The following NKAIN3 variants were observed in gnomAD, a reference collection of about 807,000 sequenced individuals.
The protein encoded by NKAIN3 is sodium/potassium transporting ATPase interacting 3.
Under a neutral mutation model 30.2 loss-of-function variants are expected in NKAIN3, and 25 were observed. The ratio of observed to expected loss-of-function variants is 0.83; its 90% CI spans 0.60 to 1.16. The LOEUF (loss-of-function observed/expected upper bound fraction) is 1.16. Ranked by LOEUF, NKAIN3 falls within the 50% of genes most tolerant of loss-of-function variation. The pLI, the probability that NKAIN3 is intolerant of heterozygous loss-of-function variation, is 0.00. For synonymous variants in NKAIN3, 91 were observed against 89.6 expected (o/e 1.02, Z -0.09); for missense variants, 225 against 254.1 (o/e 0.89, Z 0.78).
At chr8:62,635,447 A>G (rs1174016200) in intron 3 of NKAIN3, among the ~76,000 whole-genome samples, 2 of 152,166 alleles carry the variant, frequency 1.3e-5, no homozygotes, top group Admixed American at 1.3e-4. Flanking sequence ...TGACCTCGGG[A>G]ACTTCCTTCT....
chr8:62,562,098 C>T (rs1809602888), intron 1 of NKAIN3, among the ~76,000 whole-genome samples: 1 of 152,134 alleles, frequency 6.6e-6, no homozygotes, highest in African/African-American at 2.4e-5. Context: ...ATCCCTGTCA[C>T]TAGCAGAGAA....
At chr8:62,292,064 CT>C (rs1004559938) in intron 1 of NKAIN3, among the ~76,000 whole-genome samples, 3 of 151,300 alleles carry the variant, frequency 2.0e-5, no homozygotes, top group East Asian at 1.9e-4. Context: ...ACAACCCCTG[CT>C]TTTTTTTTGT....
chr8:62,743,215 G>T (rs1815963467), intron 3 of NKAIN3, among the ~76,000 whole-genome samples: 1 of 152,068 alleles, frequency 6.6e-6, no homozygotes, highest in Non-Finnish European at 1.5e-5. Flanking sequence ...TTCTTTTTCT[G>T]TATAAAATGT....
chr8:62,432,996 A>G (rs1351732650), intron 1 of NKAIN3, among the ~76,000 whole-genome samples: 3 of 152,162 alleles, frequency 2.0e-5, no homozygotes, highest in Non-Finnish European at 4.4e-5. Context: ...CCACACTTGA[A>G]GTAGTTTGTT....
chr8:62,515,527 T>C lies in NKAIN3; in HGVS notation c.55-64012T>C, dbSNP rs187556199. The stretch of plus-strand genomic sequence containing the variant: ...GGGATACATGTGCAGTCTACATGGG[T>C]AAACTGTGTGTCACTGGAGTTTGTT... On this transcript the variant is annotated intron_variant, in intron 1 of 6. Transcript: ENST00000623646. 3.7e-4 allele frequency among the ~76,000 whole-genome samples: 57 copies of C among 152,256 alleles called. 1 individual carries two copies. Among genetic ancestry groups the C allele is most frequent in the African/African-American group, 1.3e-3 (55 of 41,564 alleles).
intron 1 of NKAIN3, among the ~76,000 whole-genome samples, chr8:62,497,944 G>A (rs1807294292): frequency 1.3e-5 from 2 of 152,108 alleles, no homozygotes; most frequent in African/African-American, 4.8e-5. Flanking sequence ...TAGGGGAAAG[G>A]TGGCTAACCT....
At chr8:62,368,731 A>G (rs75392680) in intron 1 of NKAIN3, among the ~76,000 whole-genome samples, 2 of 152,186 alleles carry the variant, frequency 1.3e-5, no homozygotes, top group African/African-American at 4.8e-5. Flanking sequence ...TCAGACTGGT[A>G]TCATACTTGT....
intron 1 of NKAIN3, 47 bp downstream of exon 1, chr8:62,249,174 G>A: frequency 6.8e-7 from 1 of 1,465,406 alleles, no homozygotes. Flanking sequence ...CCTGCTCCAG[G>A]ACCGGCCTCT....
At chr8:62,945,122 G>A (rs1472096522) in intron 5 of NKAIN3, among the ~76,000 whole-genome samples, 1 of 152,096 alleles carries the variant, frequency 6.6e-6, no homozygotes, top group Non-Finnish European at 1.5e-5. Flanking sequence ...CCCTTATAAA[G>A]TTTAACTTGT....
chr8:62,374,782 CA>C (rs981721156), intron 1 of NKAIN3, among the ~76,000 whole-genome samples: 1 of 152,106 alleles, frequency 6.6e-6, no homozygotes, highest in African/African-American at 2.4e-5. Flanking sequence ...CTATTTAAAC[CA>C]AACTTTAGTC....
intron 1 of NKAIN3, among the ~76,000 whole-genome samples, chr8:62,331,062 CCT>C (rs60036306): frequency 0.32 from 46,053 of 143,942 alleles, 7,755 homozygotes; most frequent in Non-Finnish European, 0.38. Flanking sequence ...ACCTCCTCCT[CCT>C]CTCTCTCTCT....
At position 62,969,487 on chromosome 8, in the gene NKAIN3, T is replaced by C. The variant is rs2130912659; in HGVS notation, c.*4080T>C. ...TTTCATACCTAATTTTAAAACGAAT[T>C]GTGTCCCCAAATATGGTCTATTCTG... On this transcript the variant is annotated 3_prime_UTR_variant, in exon 7 of 7. Transcript: ENST00000623646. Among the ~76,000 whole-genome samples, 1 of 152,328 alleles carries C rather than the reference T, an allele frequency of 6.6e-6. No homozygotes were observed. The highest frequency in any genetic ancestry group is 2.4e-5 in the African/African-American group (1 of 41,574).
chr8:62,404,924 G>T (rs563230878), intron 1 of NKAIN3, among the ~76,000 whole-genome samples: 2 of 152,202 alleles, frequency 1.3e-5, no homozygotes, highest in Admixed American at 1.3e-4. Flanking sequence ...CACTGCTTGG[G>T]TATCACTGCT....
In NKAIN3 at chr8:62,415,820, C is replaced by T. The variant is rs188739194; in HGVS notation, c.55-163719C>T. ...TCGCCCAGGCTGGAGTGCAGTGGCGCGATCTCGGCTCACGGCAAGCTCTGC... is the reference window on the plus strand; with the variant it reads ...TCGCCCAGGCTGGAGTGCAGTGGCGTGATCTCGGCTCACGGCAAGCTCTGC... On this transcript the variant is annotated intron_variant, in intron 1 of 6. Coordinates refer to ENST00000623646, the MANE Select transcript of NKAIN3 (RefSeq NM_001304533.3). Among the ~76,000 whole-genome samples, 82 of 151,726 alleles carry T rather than the reference C, an allele frequency of 5.4e-4. No homozygotes were observed. In the East Asian group the frequency reaches 0.012, roughly 22 times the overall value.
At chr8:62,358,332 A>G (rs2129592287) in intron 1 of NKAIN3, among the ~76,000 whole-genome samples, 1 of 148,748 alleles carries the variant, frequency 6.7e-6, no homozygotes, top group Non-Finnish European at 1.5e-5. Flanking sequence ...ATTAGACATG[A>G]TTAGGAATGC....
intron 3 of NKAIN3, among the ~76,000 whole-genome samples, chr8:62,655,592 G>T (rs1331024861): frequency 6.6e-6 from 1 of 152,104 alleles, no homozygotes; most frequent in Non-Finnish European, 1.5e-5. Context: ...GAGAAAGAAT[G>T]CAAATAACTT....
chr8:62,509,041 G>T (rs1285578773), intron 1 of NKAIN3, among the ~76,000 whole-genome samples: 2 of 152,158 alleles, frequency 1.3e-5, no homozygotes, highest in African/African-American at 4.8e-5. Context: ...TCTCTGCAAG[G>T]TGTAGCCTAC....
At chr8:62,671,006 G>T (rs1813284659) in intron 3 of NKAIN3, among the ~76,000 whole-genome samples, 2 of 151,810 alleles carry the variant, frequency 1.3e-5, no homozygotes, top group Admixed American at 6.6e-5. Flanking sequence ...AAAAATAGTG[G>T]CATGACAGAT....
intron 4 of NKAIN3, among the ~76,000 whole-genome samples, chr8:62,860,947 C>A (rs1483560335): frequency 6.6e-6 from 1 of 152,192 alleles, no homozygotes; most frequent in South Asian, 2.1e-4. Context: ...CCAGGACAGG[C>A]AGAAGGCCTT....
Sources: allele counts gnomAD v4.1 joint callset (sites outside exome capture counted in the v4.1 genomes callset), GRCh38; gene constraint gnomAD v4.1.1; transcripts MANE v1.5; gene names NCBI Gene and HGNC (gene_info 2026-07-23, HGNC 2026-07-21).